CELF4: variants seen among roughly 807,000 people sequenced by gnomAD.
CELF4 encodes CUG-BP- and ETR-3-like factor 4.
In CELF4, 18 loss-of-function variants were observed where a neutral mutation model predicts 59.9. The observed-to-expected ratio is 0.30, with a 90% CI of 0.21 to 0.45. CELF4 has a LOEUF of 0.45. Among genes scored for constraint, CELF4 ranks in the 20% least tolerant of loss-of-function variants. The pLI, the probability that CELF4 is intolerant of heterozygous loss-of-function variation, is 1.00. For synonymous variants in CELF4, 261 were observed against 267.1 expected (o/e 0.98, Z 0.22); for missense variants, 456 against 689.0 (o/e 0.66, Z 3.79).
chr18:37,277,237 G>T lies in CELF4; in HGVS notation c.449-1994C>A, dbSNP rs1177087685. Among the ~76,000 whole-genome samples the T allele has an allele frequency of 3.9e-5, 6 of 152,196 alleles. No individual in the cohort carries two copies. In the East Asian group the frequency reaches 9.6e-4, roughly 24 times the overall value. On this transcript the variant is annotated intron_variant, in intron 3 of 12. Transcript: ENST00000420428. ...GCATAACCTGTAGGGCACAGTTACTGGTCCCTGTTACCAGCTGTTCGTCAA... is the reference window on the plus strand; with the variant it reads ...GCATAACCTGTAGGGCACAGTTACTTGTCCCTGTTACCAGCTGTTCGTCAA...
At chr18:37,357,023 C>T (rs1358988997) in intron 2 of CELF4, among the ~76,000 whole-genome samples, 1 of 152,210 alleles carries the variant, frequency 6.6e-6, no homozygotes, top group Non-Finnish European at 1.5e-5. Flanking sequence ...TCCACCTGCC[C>T]CAGGTTCCAC....
chr18:37,318,986 T>G (rs1422085324), intron 3 of CELF4, among the ~76,000 whole-genome samples: 1 of 152,102 alleles, frequency 6.6e-6, no homozygotes, highest in Non-Finnish European at 1.5e-5. Context: ...TCTCCCACCT[T>G]CAAGACCAGA....
intron 2 of CELF4, among the ~76,000 whole-genome samples, chr18:37,464,110 C>T (rs1041533405): frequency 1.3e-5 from 2 of 152,160 alleles, no homozygotes; most frequent in African/African-American, 2.4e-5. Context: ...ATCAAATGAA[C>T]GGTAACGGGA....
intron 3 of CELF4, among the ~76,000 whole-genome samples, chr18:37,306,523 G>A (rs1404899746): frequency 6.6e-6 from 1 of 152,212 alleles, no homozygotes; most frequent in Non-Finnish European, 1.5e-5. Context: ...TCAAATGTGT[G>A]AAAGGAGATT....
chr18:37,510,357 C>A (rs2099942844), intron 1 of CELF4, among the ~76,000 whole-genome samples: 1 of 152,190 alleles, frequency 6.6e-6, no homozygotes, highest in South Asian at 2.1e-4. Context: ...GCTGCAGGGA[C>A]CCCTGCCTTC....
chr18:37,281,895 T>G (rs2154383643), intron 3 of CELF4, among the ~76,000 whole-genome samples: 1 of 152,264 alleles, frequency 6.6e-6, no homozygotes, highest in Non-Finnish European at 1.5e-5. Flanking sequence ...CCCCCCTCTC[T>G]AACTTTACCT....
At chr18:37,516,717 C>A (rs1055085043) in intron 1 of CELF4, among the ~76,000 whole-genome samples, 10 of 152,226 alleles carry the variant, frequency 6.6e-5, no homozygotes, top group African/African-American at 2.4e-4. Flanking sequence ...CCAGGCAGGT[C>A]TGGCTCCAAG....
intron 2 of CELF4, among the ~76,000 whole-genome samples, chr18:37,345,940 G>T (rs2098240781): frequency 6.6e-6 from 1 of 152,092 alleles, no homozygotes; most frequent in South Asian, 2.1e-4. Context: ...GGCCCCCGGA[G>T]CCCCCAGGAG....
At chr18:37,421,288 C>T (rs751431150) in intron 2 of CELF4, among the ~76,000 whole-genome samples, 5 of 152,240 alleles carry the variant, frequency 3.3e-5, no homozygotes, top group Non-Finnish European at 5.9e-5. Flanking sequence ...GGGCTCCCAG[C>T]TCCCTGGCCA....
chr18:37,386,774 C>T (rs1013363455), intron 2 of CELF4, among the ~76,000 whole-genome samples: 6 of 152,164 alleles, frequency 3.9e-5, no homozygotes, highest in African/African-American at 1.2e-4. Flanking sequence ...AAATAGTTTC[C>T]TCTCTAGGGT....
At chr18:37,273,542 G>A (rs2092302282) in intron 6 of CELF4, 1 of 1,004,668 alleles carries the variant, frequency 1.0e-6, no homozygotes, top group Non-Finnish European at 1.2e-6. Context: ...CTTAGCACAG[G>A]TTTCTGTCCA....
intron 2 of CELF4, 123 bp downstream of exon 2, chr18:37,485,402 G>T: frequency 5.9e-6 from 1 of 168,184 alleles, no homozygotes; most frequent in Non-Finnish European, 6.8e-6. Flanking sequence ...GCGGGCTCCC[G>T]AGCTCAGGCG....
chr18:37,404,062 C>T (rs961649972), intron 2 of CELF4, among the ~76,000 whole-genome samples: 66 of 152,316 alleles, frequency 4.3e-4, no homozygotes, highest in African/African-American at 1.5e-3. Flanking sequence ...CCACCATTCC[C>T]GGATTCCCCT....
At chr18:37,317,649 C>T (rs2096914219) in intron 3 of CELF4, among the ~76,000 whole-genome samples, 1 of 152,186 alleles carries the variant, frequency 6.6e-6, no homozygotes. Flanking sequence ...TCCCTCTGTA[C>T]TTGTATCTCC....
intron 1 of CELF4, among the ~76,000 whole-genome samples, chr18:37,527,096 C>G (rs887041594): frequency 6.6e-6 from 1 of 152,064 alleles, no homozygotes; most frequent in African/African-American, 2.4e-5. Context: ...CAATGGTTTT[C>G]CCATTGCCCC....
intron 9 of CELF4, 43 bp downstream of exon 9, chr18:37,266,490 A>C: frequency 1.3e-6 from 2 of 1,550,212 alleles, no homozygotes; most frequent in Non-Finnish European, 1.8e-6. Context: ...TGGAGAGATA[A>C]ACGGAGTTGG....
chr18:37,301,392 G>C (rs4799441), intron 3 of CELF4, among the ~76,000 whole-genome samples: 27,146 of 152,178 alleles, frequency 0.18, 2,649 homozygotes, highest in South Asian at 0.23. Context: ...GGGTCCCTGT[G>C]ATGGCTCAGT....
chr18:37,366,831 T>C (rs2098791374), intron 2 of CELF4, among the ~76,000 whole-genome samples: 1 of 152,186 alleles, frequency 6.6e-6, no homozygotes, highest in Non-Finnish European at 1.5e-5. Flanking sequence ...AGAGCCTCCC[T>C]GTCTGGGTGG....
intron 6 of CELF4, chr18:37,274,090 C>G: frequency 7.2e-7 from 1 of 1,381,078 alleles, no homozygotes; most frequent in East Asian, 2.9e-5. Context: ...AGAACTAAGA[C>G]AGCAGCCCAC....
Sources: allele counts gnomAD v4.1 joint callset (sites outside exome capture counted in the v4.1 genomes callset), GRCh38; gene constraint gnomAD v4.1.1; transcripts MANE v1.5; gene names NCBI Gene and HGNC (gene_info 2026-07-23, HGNC 2026-07-21).